Variants in SINHCAF observed in about 807,000 individuals in gnomAD.
SINHCAF encodes SIN3-HDAC complex associated factor, also known as SIN3-HDAC complex-associated factor.
SINHCAF carries 3 observed loss-of-function variants against 25.8 expected under a neutral mutation model. The observed-to-expected ratio is 0.12, with a 90% CI of 0.05 to 0.30. The LOEUF is 0.30. SINHCAF is among the 10% of genes least tolerant of loss of function. SINHCAF has a pLI of 1.00. For missense variants in SINHCAF, 121 were observed against 262.3 expected (o/e 0.46, Z 3.72); for synonymous variants, 70 against 85.5 (o/e 0.82, Z 1.00).
chr12:31,292,080 T>A (rs1160027888), intron 4 of SINHCAF, among the ~76,000 whole-genome samples: 1 of 152,216 alleles, frequency 6.6e-6, no homozygotes, highest in Non-Finnish European at 1.5e-5. Context: ...TTCCCTTAAG[T>A]AAGACAAAAG....
intron 1 of SINHCAF, chr12:31,303,084 GATT>G: frequency 1.0e-6 from 1 of 985,314 alleles, no homozygotes; most frequent in Non-Finnish European, 1.2e-6. Context: ...TGTTTTTCAA[GATT>G]TGAGGGGTTA....
intron 1 of SINHCAF, chr12:31,302,946 T>C (rs1938868017): frequency 1.0e-6 from 1 of 985,334 alleles, no homozygotes; most frequent in South Asian, 4.7e-5. Flanking sequence ...ATTACCCATA[T>C]GTCCAAACTG....
At chr12:31,310,937 TC>T (rs1242047508) in intron 1 of SINHCAF, among the ~76,000 whole-genome samples, 1 of 150,292 alleles carries the variant, frequency 6.7e-6, no homozygotes, top group Non-Finnish European at 1.5e-5. Flanking sequence ...TGGTACAATC[TC>T]CGCTCATTGC....
At chr12:31,311,382 G>A (rs886674316) in intron 1 of SINHCAF, among the ~76,000 whole-genome samples, 2 of 152,230 alleles carry the variant, frequency 1.3e-5, no homozygotes, top group African/African-American at 2.4e-5. Context: ...AATGACCTGG[G>A]TCATAGATTT....
rs1592998267 is a variant in SINHCAF at position 31,324,216 on chromosome 12, C to G, written c.-21+1808G>C. 9.8e-6 allele frequency: 2 copies of G among 204,770 alleles called. No homozygotes were observed. Among genetic ancestry groups the G allele is most frequent in the East Asian group, 3.4e-4 (2 of 5,814 alleles). 12.7% of individuals were successfully genotyped at this position (204,770 alleles called of 1,614,324 possible). ...TCCCGCAGGCCGCGCCTCCCGCACGCCGCGCTGCCGGGGCTTGTTCCTCCT... is the reference window on the plus strand; with the variant it reads ...TCCCGCAGGCCGCGCCTCCCGCACGGCGCGCTGCCGGGGCTTGTTCCTCCT... On this transcript the variant is annotated intron_variant, in intron 1 of 5. Transcript: ENST00000337682. This position sits in a 1 kb window ranked among gnomAD's most constrained non-coding sequence, Gnocchi z 5.5.
intron 5 of SINHCAF, among the ~76,000 whole-genome samples, chr12:31,286,681 G>C (rs201103579): frequency 2.2e-4 from 31 of 141,550 alleles, no homozygotes; most frequent in African/African-American, 7.9e-4. Flanking sequence ...AAAAAAAAAA[G>C]AAACTGTCAA....
At chr12:31,305,093 TG>T (rs989544530) in intron 1 of SINHCAF, 6 of 152,162 alleles carry the variant, frequency 3.9e-5, no homozygotes, top group African/African-American at 1.4e-4. Flanking sequence ...GGATCTTTGG[TG>T]GGAGTCATGG....
At chr12:31,296,382 T>C (rs1472752829) in intron 2 of SINHCAF, among the ~76,000 whole-genome samples, 2 of 150,262 alleles carry the variant, frequency 1.3e-5, no homozygotes, top group Non-Finnish European at 3.0e-5. Context: ...CCCAGGCTGG[T>C]CTCCAACCCC....
intron 1 of SINHCAF, among the ~76,000 whole-genome samples, chr12:31,310,568 T>C (rs1323799164): frequency 1.3e-5 from 2 of 152,212 alleles, no homozygotes; most frequent in Non-Finnish European, 1.5e-5. Context: ...AGTGTTACCA[T>C]TGTTAAGTGT....
intron 1 of SINHCAF, among the ~76,000 whole-genome samples, chr12:31,320,063 C>T (rs1187832126): frequency 6.6e-6 from 1 of 152,178 alleles, no homozygotes; most frequent in Non-Finnish European, 1.5e-5. Context: ...CATCATGGTG[C>T]ATGAACTCCT....
chr12:31,281,328 CA>C lies in SINHCAF; in HGVS notation c.*1383del, dbSNP rs777140687. 17 of 152,236 alleles carry C rather than the reference CA, an allele frequency of 1.1e-4. No homozygotes were observed. The East Asian group carries it at 2.7e-3, about 24-fold the overall frequency. The allele number at this position is 152,236 out of a possible 1,614,324, so 9.4% of individuals were successfully genotyped here. On this transcript the variant is annotated 3_prime_UTR_variant, in exon 6 of 6. Transcript: ENST00000337682. ...TTCAGAAAGCCTGACTAAAAGAAGC[CA>C]AACCAAAACCATTTAATGTGAACAC...
chr12:31,323,178 C>T (rs1939772126), intron 1 of SINHCAF, among the ~76,000 whole-genome samples: 1 of 152,144 alleles, frequency 6.6e-6, no homozygotes, highest in Non-Finnish European at 1.5e-5. Context: ...GTCACGCATA[C>T]CTTTCGCCTA....
chr12:31,282,878 G>GA lies in SINHCAF; in HGVS notation c.507-8dup, dbSNP rs35217500. The GA allele has an allele frequency of 1.9e-6, 3 of 1,577,686 alleles. No homozygotes were observed. The highest frequency in any genetic ancestry group is 2.3e-5 in the East Asian group (1 of 44,438). The stretch of plus-strand genomic sequence containing the variant: ...CCCACAACATATCTTCTGTCTAAAA[G>GA]AAAAAATGGAGAACAAGATACATTA... On this transcript the variant is annotated splice_polypyrimidine_tract_variant and splice_region_variant and intron_variant, in intron 5 of 5. Coordinates refer to ENST00000337682, the MANE Select transcript of SINHCAF (RefSeq NM_001135812.2).
In SINHCAF at chr12:31,314,871, A is replaced by G. The variant is rs573003701; in HGVS notation, c.-21+11153T>C. 4.6e-5 allele frequency among the ~76,000 whole-genome samples: 7 copies of G among 152,380 alleles called. No homozygotes were observed. The East Asian group carries it at 1.2e-3, about 25-fold the overall frequency. On this transcript the variant is annotated intron_variant, in intron 1 of 5. Transcript: ENST00000337682. ...GTCCATTTGTTTAAGTAATTACACAATGAGGCACCCCAAGTACTGTATATT... is the reference window on the plus strand; with the variant it reads ...GTCCATTTGTTTAAGTAATTACACAGTGAGGCACCCCAAGTACTGTATATT...
At chr12:31,285,062 C>A (rs541664717) in intron 5 of SINHCAF, among the ~76,000 whole-genome samples, 3 of 152,128 alleles carry the variant, frequency 2.0e-5, no homozygotes, top group Non-Finnish European at 4.4e-5. Flanking sequence ...TATGAATGTG[C>A]TATACCTCTC....
intron 1 of SINHCAF, chr12:31,305,152 G>C (rs1938968529): frequency 6.6e-6 from 1 of 152,150 alleles, no homozygotes; most frequent in Non-Finnish European, 1.5e-5. Context: ...ATGGATCCGT[G>C]AGTCTACAAC....
chr12:31,307,087 C>A (rs552201929), intron 1 of SINHCAF, among the ~76,000 whole-genome samples: 22 of 152,170 alleles, frequency 1.4e-4, no homozygotes, highest in Middle Eastern at 3.4e-3. Context: ...AATGAGAGGT[C>A]TTATCAGAAG....
At chr12:31,319,291 G>C (rs1212186916) in intron 1 of SINHCAF, among the ~76,000 whole-genome samples, 1 of 152,228 alleles carries the variant, frequency 6.6e-6, no homozygotes, top group Non-Finnish European at 1.5e-5. Flanking sequence ...CACTATGGGA[G>C]GCAGAGGCAG....
intron 1 of SINHCAF, among the ~76,000 whole-genome samples, chr12:31,310,362 G>A (rs1324067478): frequency 6.6e-6 from 1 of 152,168 alleles, no homozygotes; most frequent in Non-Finnish European, 1.5e-5. Flanking sequence ...CAAAGAGTGA[G>A]TTAAAGCAGC....
Sources: gnomAD v4.1 joint callset for allele counts (sites outside exome capture counted in the v4.1 genomes callset) on GRCh38, gnomAD v4.1.1 for gene constraint, Gnocchi (gnomAD v3.1) non-coding constraint, MANE v1.5 for transcripts, NCBI Gene and HGNC (gene_info 2026-07-23, HGNC 2026-07-21) for gene names.